DDAH1: variants seen among roughly 807,000 people sequenced by gnomAD.
DDAH1 encodes the protein N(G),N(G)-dimethylarginine dimethylaminohydrolase 1.
In DDAH1, 19 loss-of-function variants were observed where a neutral mutation model predicts 28.8. The ratio of observed to expected loss-of-function variants is 0.66; its 90% CI spans 0.46 to 0.97. The LOEUF (loss-of-function observed/expected upper bound fraction) is 0.97, where lower values mean the gene tolerates loss of function less well. DDAH1 is among the 50% of genes least tolerant of loss of function. The pLI, the probability that DDAH1 is intolerant of heterozygous loss-of-function variation, is 0.00. For synonymous variants in DDAH1, 153 were observed against 154.4 expected (o/e 0.99, Z 0.07); for missense variants, 326 against 375.9 (o/e 0.87, Z 1.10).
chr1:85,542,329 G>A (rs1658494627), intron 1 of DDAH1, among the ~76,000 whole-genome samples: 1 of 152,184 alleles, frequency 6.6e-6, no homozygotes, highest in African/African-American at 2.4e-5. Flanking sequence ...AAAGGCGGCA[G>A]CTCAGACATG....
At position 85,321,298 on chromosome 1, in the gene DDAH1, T is replaced by C. The variant is rs12045545; in HGVS notation, c.*154A>G. 0.021 allele frequency: 13,127 copies of C among 623,680 alleles called. 339 individuals are homozygous for C. Among genetic ancestry groups the C allele is most frequent in the East Asian group, 0.093 (3,599 of 38,670 alleles). The allele number at this position is 623,680 out of a possible 1,614,324, so 38.6% of individuals were successfully genotyped here. The stretch of plus-strand genomic sequence containing the variant: ...CTCGAGGGGAGGGAGGGTGGGGGTG[T>C]TGAATGAAGCAATTCAACTTAGAAT... On this transcript the variant is annotated 3_prime_UTR_variant, in exon 6 of 6. Coordinates refer to ENST00000284031, the MANE Select transcript of DDAH1 (RefSeq NM_012137.4).
intron 1 of DDAH1, among the ~76,000 whole-genome samples, chr1:85,515,933 A>T (rs1240945106): frequency 6.6e-6 from 1 of 152,196 alleles, no homozygotes; most frequent in African/African-American, 2.4e-5. Context: ...GATCAAGTTG[A>T]TGTCGACAGG....
intron 4 of DDAH1, among the ~76,000 whole-genome samples, chr1:85,325,256 C>T (rs1295806028): frequency 6.6e-6 from 1 of 152,186 alleles, no homozygotes; most frequent in Non-Finnish European, 1.5e-5. Context: ...GCAGGGCTGC[C>T]TCCTCTATAG....
In DDAH1 at chr1:85,320,352, G is replaced by A. The variant is rs2100777804; in HGVS notation, c.*1100C>T. The A allele has an allele frequency of 6.5e-6, 1 of 152,706 alleles. No homozygotes were observed. The highest frequency in any genetic ancestry group is 2.1e-4 in the South Asian group (1 of 4,822). The allele number at this position is 152,706 out of a possible 1,614,324, so 9.5% of individuals were successfully genotyped here. On this transcript the variant is annotated 3_prime_UTR_variant, in exon 6 of 6. Coordinates refer to ENST00000284031, the MANE Select transcript of DDAH1 (RefSeq NM_012137.4). The stretch of plus-strand genomic sequence containing the variant: ...TGATCGCTTCCTGAACATGTTCATT[G>A]ACCATGAGGAGCTGTTTACTCTGGC...
At chr1:85,521,498 G>A (rs1657686641) in intron 1 of DDAH1, 1 of 454,034 alleles carries the variant, frequency 2.2e-6, no homozygotes, top group Admixed American at 6.4e-5. Context: ...CTGCTATGCT[G>A]AAAACCTTCG....
chr1:85,453,674 T>C (rs1317446075), intron 1 of DDAH1, among the ~76,000 whole-genome samples: 3 of 152,228 alleles, frequency 2.0e-5, no homozygotes, highest in Non-Finnish European at 4.4e-5. Flanking sequence ...CCAATTTATA[T>C]GCCAGTCCAG....
At chr1:85,374,456 C>T (rs1650548087) in intron 1 of DDAH1, among the ~76,000 whole-genome samples, 1 of 152,102 alleles carries the variant, frequency 6.6e-6, no homozygotes, top group South Asian at 2.1e-4. Flanking sequence ...CTTGGTGTTT[C>T]CAAACTGCAA....
chr1:85,507,179 C>T lies in DDAH1; in HGVS notation c.-122-10898G>A, dbSNP rs562474552. On this transcript the variant is annotated intron_variant, in intron 1 of 6. Transcript: ENST00000426972. ...ATTTTGAAAGTTGTTGAAATCATTA[C>T]ACCTCACACCTAAACATTAACACCT... Among the ~76,000 whole-genome samples the T allele has an allele frequency of 8.5e-5, 13 of 152,148 alleles. No homozygotes were observed. The East Asian group carries it at 1.4e-3, about 16-fold the overall frequency.
chr1:85,564,936 C>T (rs1468238908), intron 1 of DDAH1, among the ~76,000 whole-genome samples: 1 of 151,850 alleles, frequency 6.6e-6, no homozygotes, highest in Non-Finnish European at 1.5e-5. Context: ...GTGGCTCACG[C>T]CTGTAATTCC....
intron 1 of DDAH1, among the ~76,000 whole-genome samples, chr1:85,542,912 CG>C (rs1557745221): frequency 6.6e-6 from 1 of 152,096 alleles, no homozygotes; most frequent in Non-Finnish European, 1.5e-5. Context: ...TTTATAATGA[CG>C]TGCAGAGATG....
intron 2 of DDAH1, among the ~76,000 whole-genome samples, chr1:85,356,121 G>C (rs938276932): frequency 1.3e-5 from 2 of 152,176 alleles, no homozygotes; most frequent in Non-Finnish European, 2.9e-5. Flanking sequence ...TAAGTCAGGA[G>C]GTGGACACCC....
chr1:85,328,527 A>G (rs1338335289), intron 4 of DDAH1, among the ~76,000 whole-genome samples: 1 of 152,174 alleles, frequency 6.6e-6, no homozygotes, highest in Admixed American at 6.5e-5. Flanking sequence ...ATCTCTGTTT[A>G]TTATGTGCTG....
At chr1:85,454,109 C>T (rs1038654553) in intron 1 of DDAH1, among the ~76,000 whole-genome samples, 4 of 152,092 alleles carry the variant, frequency 2.6e-5, no homozygotes, top group Non-Finnish European at 5.9e-5. Context: ...ATGCTGCTGC[C>T]ACCAAATTTT....
intron 1 of DDAH1, among the ~76,000 whole-genome samples, chr1:85,366,661 G>A (rs1233535461): frequency 1.3e-5 from 2 of 152,092 alleles, no homozygotes; most frequent in Non-Finnish European, 2.9e-5. Context: ...CATGAGTAAA[G>A]TATTCTGGTG....
At chr1:85,541,372 A>AT (rs1422049146) in intron 1 of DDAH1, among the ~76,000 whole-genome samples, 1 of 152,224 alleles carries the variant, frequency 6.6e-6, no homozygotes, top group African/African-American at 2.4e-5. Flanking sequence ...TTGTTTTGTC[A>AT]TTTTGTTCTT....
chr1:85,344,210 T>TAA (rs1648689673), intron 4 of DDAH1, among the ~76,000 whole-genome samples: 1 of 152,208 alleles, frequency 6.6e-6, no homozygotes, highest in African/African-American at 2.4e-5. Context: ...GTATTTTTAT[T>TAA]AAAAGTATTT....
intron 1 of DDAH1, among the ~76,000 whole-genome samples, chr1:85,570,916 G>A (rs1659437055): frequency 1.3e-5 from 2 of 152,180 alleles, no homozygotes; most frequent in African/African-American, 4.8e-5. Context: ...ACTCATACAG[G>A]GAGTGAAAAC....
At chr1:85,499,396 C>T (rs1656715335) in intron 1 of DDAH1, among the ~76,000 whole-genome samples, 2 of 152,000 alleles carry the variant, frequency 1.3e-5, no homozygotes, top group East Asian at 1.9e-4. Context: ...TTCTTGAGGC[C>T]GGGTGCGGTG....
chr1:85,357,108 A>G (rs1436996515), intron 2 of DDAH1, among the ~76,000 whole-genome samples: 1 of 152,252 alleles, frequency 6.6e-6, no homozygotes, highest in Non-Finnish European at 1.5e-5. Context: ...GTCAAAAAGA[A>G]TGAAAGTGCC....
Sources: allele counts gnomAD v4.1 joint callset (sites outside exome capture counted in the v4.1 genomes callset), GRCh38; gene constraint gnomAD v4.1.1; transcripts MANE v1.5; gene names NCBI Gene and HGNC (gene_info 2026-07-23, HGNC 2026-07-21).